Variants in ARIH1 observed in about 807,000 individuals in gnomAD.
ARIH1 encodes the protein E3 ubiquitin-protein ligase ARIH1.
Under a neutral mutation model 85.0 loss-of-function variants are expected in ARIH1, and 8 were observed. The observed-to-expected ratio is 0.09, with a 90% CI of 0.06 to 0.17. The LOEUF is 0.17. ARIH1 is among the 10% of genes least tolerant of loss of function. The probability of loss-of-function intolerance (pLI) is 1.00; values close to 1 mark genes in which losing one functional copy is unlikely to be tolerated. For missense variants in ARIH1, 311 were observed against 718.1 expected (o/e 0.43, Z 6.48); for synonymous variants, 238 against 253.6 (o/e 0.94, Z 0.59).
intron 3 of ARIH1, among the ~76,000 whole-genome samples, chr15:72,545,802 C>CT (rs1193833099): frequency 1.3e-5 from 2 of 152,232 alleles, no homozygotes; most frequent in African/African-American, 4.8e-5. Context: ...GTATTCCAGC[C>CT]TGGGCGACAG....
chr15:72,500,776 G>A (rs938905886), intron 1 of ARIH1, among the ~76,000 whole-genome samples: 1 of 152,078 alleles, frequency 6.6e-6, no homozygotes, highest in Non-Finnish European at 1.5e-5. Flanking sequence ...GTAAATACTA[G>A]AAGACACAGA....
intron 5 of ARIH1, among the ~76,000 whole-genome samples, chr15:72,559,186 C>G (rs562193218): frequency 1.3e-5 from 2 of 152,166 alleles, no homozygotes; most frequent in South Asian, 4.2e-4. Context: ...ATTTTTGATC[C>G]CTGTTTGGTT....
At chr15:72,514,571 T>TTA (rs2140409068) in intron 1 of ARIH1, among the ~76,000 whole-genome samples, 1 of 151,718 alleles carries the variant, frequency 6.6e-6, no homozygotes, top group Non-Finnish European at 1.5e-5. Flanking sequence ...CTGGGCACGG[T>TTA]GGTGCATGCC....
rs2064019979 is a variant in ARIH1 at position 72,524,854 on chromosome 15, T to C, written c.443+6720T>C. ...ATAGCTGTTGAATTTATAAATAAAA[T>C]AATGATTGAATCAACGACTCTTAGT... On this transcript the variant is annotated intron_variant, in intron 2 of 13. Coordinates refer to ENST00000379887, the MANE Select transcript of ARIH1 (RefSeq NM_005744.5). Among the ~76,000 whole-genome samples the C allele has an allele frequency of 3.3e-5, 5 of 152,138 alleles. 1 individual carries two copies. The highest frequency in any genetic ancestry group is 3.3e-4 in the Admixed American group (5 of 15,280).
intron 11 of ARIH1, among the ~76,000 whole-genome samples, chr15:72,574,894 A>ACCCCCCCCCCCCC (rs201163446): frequency 1.9e-5 from 2 of 107,862 alleles, no homozygotes; most frequent in Non-Finnish European, 4.0e-5. Flanking sequence ...ACATAGTAAG[A>ACCCCCCCCCCCCC]CCCCCCCGCC....
chr15:72,531,068 TAC>T (rs1441081480), intron 2 of ARIH1, among the ~76,000 whole-genome samples: 1 of 152,176 alleles, frequency 6.6e-6, no homozygotes, highest in East Asian at 1.9e-4. Context: ...GATCCTAAGA[TAC>T]ACAGTTTTTC....
Position 72,534,264 on chromosome 15 carries a change from T to C in ARIH1, c.444-10556T>C, listed in dbSNP as rs560225973. On this transcript the variant is annotated intron_variant, in intron 2 of 13. Coordinates refer to ENST00000379887, the MANE Select transcript of ARIH1 (RefSeq NM_005744.5). ...TAAAACAGTTGAAACTAAGTTTACA[T>C]TGTTTAAGGATGCATATTTAGGTGT... Among the ~76,000 whole-genome samples, 412 of 152,250 alleles carry C rather than the reference T, an allele frequency of 2.7e-3. 1 individual carries two copies. Among genetic ancestry groups the C allele is most frequent in the African/African-American group, 9.5e-3 (395 of 41,534 alleles).
intron 3 of ARIH1, among the ~76,000 whole-genome samples, chr15:72,549,797 C>T (rs1484126475): frequency 6.6e-6 from 1 of 152,062 alleles, no homozygotes; most frequent in Non-Finnish European, 1.5e-5. Context: ...TCTTTAAGTC[C>T]ATTAATTTCT....
intron 5 of ARIH1, among the ~76,000 whole-genome samples, chr15:72,557,323 G>C (rs1160192409): frequency 1.3e-5 from 2 of 151,954 alleles, no homozygotes; most frequent in African/African-American, 4.8e-5. Flanking sequence ...GTGAAAGCAA[G>C]TTTATTAGAG....
At chr15:72,555,698 A>C (rs2064171917) in intron 4 of ARIH1, among the ~76,000 whole-genome samples, 154 bp from the exon 5 acceptor site, 2 of 152,254 alleles carry the variant, frequency 1.3e-5, no homozygotes, top group African/African-American at 4.8e-5. Flanking sequence ...GGTGATAAAC[A>C]TACTCTCACA....
rs2064353137 is a variant in ARIH1, at chr15:72,594,051, A to T, written c.*10759A>T. 1 of 151,666 alleles carries T rather than the reference A, an allele frequency of 6.6e-6. No homozygotes were observed. The highest frequency in any genetic ancestry group is 2.4e-5 in the African/African-American group (1 of 41,280). 9.4% of individuals were successfully genotyped at this position (151,666 alleles called of 1,614,324 possible). A position where few individuals can be genotyped will look rare whatever the true frequency, so the allele number is the denominator to read the frequency against. On this transcript the variant is annotated 3_prime_UTR_variant, in exon 14 of 14. Coordinates refer to ENST00000379887, the MANE Select transcript of ARIH1 (RefSeq NM_005744.5). The stretch of plus-strand genomic sequence containing the variant: ...GTCTTGTCATTTATTTAGGTATTAA[A>T]TTTTTTTCTCAGCAATGTTTTGTAG...
rs1291025623 is a variant in ARIH1 at position 72,567,184 on chromosome 15, G to T, written c.1026+7G>T. On this transcript the variant is annotated splice_region_variant and intron_variant, in intron 9 of 13. Coordinates refer to ENST00000379887, the MANE Select transcript of ARIH1 (RefSeq NM_005744.5). ...GATTGCAGCCAACACAAAGGTTGGT[G>T]TTTTCCTTCAGTAACTCTTGGTAAT... The T allele has an allele frequency of 1.2e-6, 2 of 1,604,328 alleles. No homozygotes were observed. The highest frequency in any genetic ancestry group is 1.7e-6 in the Non-Finnish European group (2 of 1,174,592).
intron 2 of ARIH1, among the ~76,000 whole-genome samples, chr15:72,534,889 CT>C (rs1450907572): frequency 3.3e-5 from 5 of 151,714 alleles, no homozygotes; most frequent in Non-Finnish European, 7.4e-5. Flanking sequence ...TGGGGTTGTG[CT>C]CATAGCCATC....
intron 5 of ARIH1, among the ~76,000 whole-genome samples, chr15:72,558,292 CG>C (rs1567355623): frequency 6.6e-6 from 1 of 152,052 alleles, no homozygotes; most frequent in African/African-American, 2.4e-5. Flanking sequence ...TTGAGATGAT[CG>C]TATGGTTTTT....
rs374852434 is a variant in ARIH1 at position 72,523,681 on chromosome 15, G to A, written c.443+5547G>A. On this transcript the variant is annotated intron_variant, in intron 2 of 13. Transcript: ENST00000379887. Reference sequence around the variant, plus strand: ...GGGTAACAACGGTGTGTCAATGTAGGTTCATTGAATGTACCACTCTGTGTT... The same window carrying A: ...GGGTAACAACGGTGTGTCAATGTAGATTCATTGAATGTACCACTCTGTGTT... Among the ~76,000 whole-genome samples the A allele has an allele frequency of 6.6e-5, 10 of 152,192 alleles. No homozygotes were observed. In the East Asian group the frequency reaches 1.9e-3, roughly 29 times the overall value.
Position 72,474,467 on chromosome 15 carries a change from G to T in ARIH1, c.-173G>T. The T allele has an allele frequency of 1.2e-6, 1 of 835,252 alleles. No homozygotes were observed. Among genetic ancestry groups the T allele is most frequent in the Non-Finnish European group, 1.8e-6 (1 of 569,240 alleles). The allele number at this position is 835,252 out of a possible 1,614,324, so 51.7% of individuals were successfully genotyped here. A position where few individuals can be genotyped will look rare whatever the true frequency, so the allele number is the denominator to read the frequency against. On this transcript the variant is annotated 5_prime_UTR_variant, in exon 1 of 14. Coordinates refer to ENST00000379887, the MANE Select transcript of ARIH1 (RefSeq NM_005744.5). ...CTCCCTCCTCCGCGCCCTCCCCGCCGCCACCAGCCGTCAAACGCCAACCGC... is the reference window on the plus strand; with the variant it reads ...CTCCCTCCTCCGCGCCCTCCCCGCCTCCACCAGCCGTCAAACGCCAACCGC...
rs992520209 is a variant in ARIH1, at chr15:72,474,459, T to C, written c.-181T>C. 2.6e-6 allele frequency: 2 copies of C among 769,876 alleles called. No individual in the cohort carries two copies. The highest frequency in any genetic ancestry group is 2.0e-6 in the Non-Finnish European group (1 of 511,616). 47.7% of individuals were successfully genotyped at this position (769,876 alleles called of 1,614,324 possible). A position where few individuals can be genotyped will look rare whatever the true frequency, so the allele number is the denominator to read the frequency against. On this transcript the variant is annotated 5_prime_UTR_variant, in exon 1 of 14. Transcript: ENST00000379887. The stretch of plus-strand genomic sequence containing the variant: ...CTCCCTCCCTCCCTCCTCCGCGCCC[T>C]CCCCGCCGCCACCAGCCGTCAAACG...
intron 2 of ARIH1, 146 bp from the exon 3 acceptor site, chr15:72,544,674 C>G: frequency 1.4e-6 from 1 of 705,886 alleles, no homozygotes; most frequent in South Asian, 2.1e-5. Context: ...TACCATGTAG[C>G]TTTTATTTCC....
intron 1 of ARIH1, among the ~76,000 whole-genome samples, chr15:72,509,798 C>T (rs577477316): frequency 1.2e-4 from 18 of 152,092 alleles, no homozygotes; most frequent in Middle Eastern, 3.4e-3. Flanking sequence ...CTTTGTTGCC[C>T]AGGCTAGTCT....
Sources: allele counts gnomAD v4.1 joint callset (sites outside exome capture counted in the v4.1 genomes callset), GRCh38; gene constraint gnomAD v4.1.1; transcripts MANE v1.5; gene names NCBI Gene and HGNC (gene_info 2026-07-23, HGNC 2026-07-21).